Variants in NELL1 observed in about 807,000 individuals in gnomAD.
NELL1 encodes neural EGFL like 1.
Under a neutral mutation model 107.4 loss-of-function variants are expected in NELL1, and 76 were observed. The observed-to-expected ratio is 0.71, with a 90% confidence interval of 0.59 to 0.86. The LOEUF (loss-of-function observed/expected upper bound fraction) is 0.86. Among genes scored for constraint, NELL1 ranks in the 40% least tolerant of loss-of-function variants. The pLI, the probability that NELL1 is intolerant of heterozygous loss-of-function variation, is 0.00. For missense variants in NELL1, 1,024 were observed against 1,005.5 expected, an observed-to-expected ratio of 1.02 and a Z score of -0.25; for synonymous variants, 353 against 341.2, an observed-to-expected ratio of 1.03 and a Z score of -0.38.
chr11:20,740,922 A>G (rs997785874), intron 2 of NELL1, among the ~76,000 whole-genome samples: 1 of 152,070 alleles, frequency 6.6e-6, no homozygotes, highest in African/African-American at 2.4e-5. Context: ...CACCATGCCC[A>G]GCTCTAATGT....
At chr11:21,223,299 C>T (rs749848599) in intron 13 of NELL1, among the ~76,000 whole-genome samples, 11 of 151,958 alleles carry the variant, frequency 7.2e-5, no homozygotes, top group Non-Finnish European at 1.3e-4. Context: ...AATTGATTCC[C>T]TTATCATTAT....
At chr11:21,031,815 G>A (rs548985515) in intron 12 of NELL1, among the ~76,000 whole-genome samples, 1 of 152,054 alleles carries the variant, frequency 6.6e-6, no homozygotes, top group East Asian at 1.9e-4. Flanking sequence ...TTGGAAGGGC[G>A]AGGCAGGCGG....
chr11:20,948,869 T>C (rs916812029), intron 11 of NELL1, among the ~76,000 whole-genome samples: 2 of 152,120 alleles, frequency 1.3e-5, no homozygotes, highest in African/African-American at 4.8e-5. Flanking sequence ...AGTGATATCC[T>C]TTTAATCTGA....
At chr11:21,268,948 G>A (rs1848686902) in intron 14 of NELL1, among the ~76,000 whole-genome samples, 1 of 151,976 alleles carries the variant, frequency 6.6e-6, no homozygotes, top group African/African-American at 2.4e-5. Context: ...TCAGAGAGAT[G>A]GAAATTCTAA....
At chr11:20,689,717 G>C (rs1590206729) in intron 2 of NELL1, among the ~76,000 whole-genome samples, 1 of 150,404 alleles carries the variant, frequency 6.6e-6, no homozygotes, top group Non-Finnish European at 1.5e-5. Context: ...CCAAGTCTTT[G>C]CTATTGTGAA....
chr11:20,847,548 TA>T, intron 3 of NELL1, 34 bp from the exon 4 acceptor site: 1 of 1,597,712 alleles, frequency 6.3e-7, no homozygotes, highest in Non-Finnish European at 8.5e-7. Flanking sequence ...TATCCAGAAC[TA>T]AAATAAAACA....
At chr11:21,216,134 A>T (rs2133866164) in intron 13 of NELL1, among the ~76,000 whole-genome samples, 1 of 152,260 alleles carries the variant, frequency 6.6e-6, no homozygotes, top group Middle Eastern at 3.4e-3. Context: ...ATTACTTCTG[A>T]GGGTGCAAGC....
At chr11:21,471,497 G>A (rs1451025906) in intron 15 of NELL1, among the ~76,000 whole-genome samples, 1 of 151,942 alleles carries the variant, frequency 6.6e-6, no homozygotes. Context: ...AAATGATAGA[G>A]ACTTTAAATA....
Position 21,547,820 on chromosome 11 carries a change from T to TATAG in NELL1, c.1787-12363_1787-12360dup, listed in dbSNP as rs1440190782. On this transcript the variant is annotated intron_variant, in intron 16 of 19. Coordinates refer to ENST00000357134, the MANE Select transcript of NELL1 (RefSeq NM_006157.5). ...TCAAGTTTGGTATGACTTCCTGCTT[T>TATAG]ATAGATAGACAAACTGAAGAACAGT... Among the ~76,000 whole-genome samples the TATAG allele has an allele frequency of 2.0e-5, 3 of 151,884 alleles. No individual in the cohort carries two copies. In the South Asian group the frequency reaches 6.2e-4, roughly 31 times the overall value.
intron 2 of NELL1, among the ~76,000 whole-genome samples, chr11:20,685,706 A>G (rs760671484): frequency 1.3e-5 from 2 of 152,106 alleles, no homozygotes; most frequent in Non-Finnish European, 2.9e-5. Flanking sequence ...ATTTTAAAGT[A>G]ATAGGGTATA....
At chr11:20,682,329 A>G (rs1302636396) in intron 2 of NELL1, among the ~76,000 whole-genome samples, 1 of 152,054 alleles carries the variant, frequency 6.6e-6, no homozygotes, top group Non-Finnish European at 1.5e-5. Context: ...TTAACCCAAC[A>G]TATAAAAAAT....
chr11:21,309,312 A>ATATATATATAC (rs1446101037), intron 14 of NELL1, among the ~76,000 whole-genome samples: 6 of 130,002 alleles, frequency 4.6e-5, no homozygotes, highest in Admixed American at 8.2e-5. Flanking sequence ...ATATATATAT[A>ATATATATATAC]ATATATATAT....
At chr11:21,027,674 A>C (rs1282177342) in intron 12 of NELL1, among the ~76,000 whole-genome samples, 1 of 151,974 alleles carries the variant, frequency 6.6e-6, no homozygotes, top group Non-Finnish European at 1.5e-5. Flanking sequence ...AGGTTCTGGG[A>C]TTCTTCAAAT....
chr11:21,088,493 C>T (rs1854450461), intron 12 of NELL1, among the ~76,000 whole-genome samples: 1 of 152,120 alleles, frequency 6.6e-6, no homozygotes, highest in Non-Finnish European at 1.5e-5. Flanking sequence ...CTTTCTATCA[C>T]CACATTTGGG....
intron 3 of NELL1, among the ~76,000 whole-genome samples, chr11:20,794,049 A>G (rs1052215119): frequency 3.9e-5 from 6 of 152,240 alleles, no homozygotes; most frequent in Non-Finnish European, 5.9e-5. Context: ...TGAGAGAAGT[A>G]GGTTAATGGC....
At chr11:21,410,146 G>T (rs1471918174) in intron 15 of NELL1, among the ~76,000 whole-genome samples, 1 of 151,822 alleles carries the variant, frequency 6.6e-6, no homozygotes. Flanking sequence ...TGTTTTTCCT[G>T]ACACAGTGGA....
chr11:20,760,267 C>T (rs1466815229), intron 2 of NELL1, among the ~76,000 whole-genome samples: 1 of 152,204 alleles, frequency 6.6e-6, no homozygotes, highest in African/African-American at 2.4e-5. Context: ...TGAAAGATTT[C>T]AGCTGGAGTG....
At chr11:20,692,767 T>C (rs550699859) in intron 2 of NELL1, among the ~76,000 whole-genome samples, 30 of 152,268 alleles carry the variant, frequency 2.0e-4, no homozygotes, top group Admixed American at 1.8e-3. Context: ...ATTTTGTTGA[T>C]TTGGGGTGGA....
intron 15 of NELL1, among the ~76,000 whole-genome samples, chr11:21,402,262 A>C (rs1852115169): frequency 6.6e-6 from 1 of 151,824 alleles, no homozygotes. Context: ...ATCTCTTTCT[A>C]TACTTTGAGT....
Sources: allele counts gnomAD v4.1 joint callset (sites outside exome capture counted in the v4.1 genomes callset), GRCh38; gene constraint gnomAD v4.1.1; transcripts MANE v1.5; gene names NCBI Gene and HGNC (gene_info 2026-07-23, HGNC 2026-07-21).